Variants in ATP2B2 observed in about 807,000 individuals in gnomAD.
ATP2B2 encodes the protein plasma membrane calcium-transporting ATPase 2.
ATP2B2 carries 15 observed loss-of-function variants against 120.0 expected under a neutral mutation model. The ratio of observed to expected loss-of-function variants is 0.12; its 90% CI spans 0.08 to 0.19. The LOEUF is 0.19. ATP2B2 is among the 10% of genes least tolerant of loss of function. The pLI, the probability that ATP2B2 is intolerant of heterozygous loss-of-function variation, is 1.00. For missense variants in ATP2B2, 1,045 were observed against 1,719.8 expected (o/e 0.61, Z 6.94); for synonymous variants, 694 against 700.3 (o/e 0.99, Z 0.14).
chr3:10,467,775 T>C (rs1344649948), intron 1 of ATP2B2, among the ~76,000 whole-genome samples: 1 of 152,116 alleles, frequency 6.6e-6, no homozygotes, highest in Non-Finnish European at 1.5e-5. Context: ...AATGTTGTAA[T>C]GGCATTGGAG....
intron 2 of ATP2B2, among the ~76,000 whole-genome samples, chr3:10,440,517 C>A (rs1285686403): frequency 6.6e-6 from 1 of 152,204 alleles, no homozygotes; most frequent in Non-Finnish European, 1.5e-5. Context: ...AGGCTCCAGG[C>A]ACAGCGAATT....
At chr3:10,563,425 T>C (rs373399686) in intron 2 of ATP2B2, among the ~76,000 whole-genome samples, 2 of 152,222 alleles carry the variant, frequency 1.3e-5, no homozygotes, top group Admixed American at 6.5e-5. Context: ...CTGACCCTCA[T>C]TGGATGGGTA....
chr3:10,643,265 G>A (rs1463183321), intron 1 of ATP2B2, among the ~76,000 whole-genome samples: 1 of 152,200 alleles, frequency 6.6e-6, no homozygotes, highest in East Asian at 1.9e-4. Flanking sequence ...ATGCATCTGT[G>A]GATCCATGGG....
chr3:10,328,763 G>A lies in ATP2B2; in HGVS notation c.*51C>T, dbSNP rs774492323. The A allele has an allele frequency of 5.2e-6, 8 of 1,540,636 alleles. No individual in the cohort carries two copies. Among genetic ancestry groups the A allele is most frequent in the East Asian group, 4.6e-5 (2 of 43,930 alleles). Reference sequence around the variant, plus strand: ...CTGGATGGATGGGTGCCCGGAAAGCGGGTGGCAGCGGGGTCCATGAGGGCG... The same window carrying A: ...CTGGATGGATGGGTGCCCGGAAAGCAGGTGGCAGCGGGGTCCATGAGGGCG... On this transcript the variant is annotated 3_prime_UTR_variant, in exon 23 of 23. Transcript: ENST00000360273.
chr3:10,579,304 G>A (rs2068329124), intron 2 of ATP2B2, among the ~76,000 whole-genome samples: 1 of 152,250 alleles, frequency 6.6e-6, no homozygotes, highest in African/African-American at 2.4e-5. Context: ...AGATGATGCT[G>A]CAAATGTGCC....
chr3:10,358,389 T>C (rs1243648739), intron 14 of ATP2B2, among the ~76,000 whole-genome samples: 1 of 152,234 alleles, frequency 6.6e-6, no homozygotes, highest in East Asian at 1.9e-4. Context: ...CACCTGTCCC[T>C]TGGGGGACCA....
intron 2 of ATP2B2, among the ~76,000 whole-genome samples, chr3:10,447,162 C>G (rs183142239): frequency 1.3e-5 from 2 of 152,354 alleles, no homozygotes; most frequent in East Asian, 1.9e-4. Flanking sequence ...AGAGCTCCCC[C>G]ACCTTAGGCT....
chr3:10,369,046 G>A (rs1273302741), intron 12 of ATP2B2, among the ~76,000 whole-genome samples: 2 of 152,206 alleles, frequency 1.3e-5, no homozygotes, highest in Non-Finnish European at 2.9e-5. Context: ...TCCTTGTGGA[G>A]GGGGAAATAC....
chr3:10,357,166 G>A (rs1012002885), intron 14 of ATP2B2, among the ~76,000 whole-genome samples: 3 of 152,164 alleles, frequency 2.0e-5, no homozygotes, highest in Non-Finnish European at 4.4e-5. Flanking sequence ...CATGAAGGAA[G>A]GGGACCCACG....
In ATP2B2 at chr3:10,329,358, G is replaced by A. The variant is rs897923832; in HGVS notation, c.3421-233C>T. ...CTCTTTGGTTTTGGTAGAAACTAGT[G>A]TTAGGACAGGAGGAATCACCAAGCA... is the stretch of plus-strand genomic sequence containing the variant. On this transcript the variant is annotated intron_variant, in intron 22 of 22. Coordinates refer to ENST00000360273, the MANE Select transcript of ATP2B2 (RefSeq NM_001001331.4). The surrounding 1 kb of genome is among the most constrained non-coding windows in gnomAD (Gnocchi z 5.9). Among the ~76,000 whole-genome samples, 1 of 152,108 alleles carries A rather than the reference G, an allele frequency of 6.6e-6. No individual in the cohort carries two copies. Among genetic ancestry groups the A allele is most frequent in the African/African-American group, 2.4e-5 (1 of 41,410 alleles).
At chr3:10,344,421 G>T (rs978060782) in intron 18 of ATP2B2, among the ~76,000 whole-genome samples, 1 of 152,232 alleles carries the variant, frequency 6.6e-6, no homozygotes, top group South Asian at 2.1e-4. Context: ...TCTCAGGGCT[G>T]GGGTAGCCGG....
At chr3:10,562,798 G>T (rs2067932151) in intron 2 of ATP2B2, among the ~76,000 whole-genome samples, 1 of 152,094 alleles carries the variant, frequency 6.6e-6, no homozygotes, top group Admixed American at 6.5e-5. Context: ...CCATCAATGG[G>T]GATTCGTTAA....
At chr3:10,544,893 C>T (rs1370148359) in intron 2 of ATP2B2, among the ~76,000 whole-genome samples, 1 of 152,232 alleles carries the variant, frequency 6.6e-6, no homozygotes, top group Admixed American at 6.5e-5. Context: ...TGTTTTTCCT[C>T]CTGTGTTCCT....
rs567955538 is a variant in ATP2B2 at position 10,603,132 on chromosome 3, C to T, written c.-415+16785G>A. ...ACCCCGCATCCAGCCCTGGTGACCC[C>T]GGCCCTCTTGAGCTGAGCAAGCCTA... On this transcript the variant is annotated intron_variant, in intron 2 of 21. Coordinates refer to the ATP2B2 transcript ENST00000646379. Among the ~76,000 whole-genome samples the T allele has an allele frequency of 7.9e-5, 12 of 152,334 alleles. No homozygotes were observed. In the South Asian group the frequency reaches 2.5e-3, roughly 32 times the overall value.
Position 10,596,341 on chromosome 3 carries a change from A to C in ATP2B2, c.-415+23576T>G, listed in dbSNP as rs572183077. Among the ~76,000 whole-genome samples, 13 of 152,368 alleles carry C rather than the reference A, an allele frequency of 8.5e-5. No homozygotes were observed. The East Asian group carries it at 2.3e-3, about 27-fold the overall frequency. ...CTATGAGGGCAGGGACTCTGTGGGT[A>C]TGAACATCACTGTCTTTCCAGCATC... is the stretch of plus-strand genomic sequence containing the variant. On this transcript the variant is annotated intron_variant, in intron 2 of 21. Transcript: ENST00000646379.
chr3:10,345,956 AG>A (rs879671196), intron 17 of ATP2B2, 74 bp downstream of exon 17: 40 of 1,439,428 alleles, frequency 2.8e-5, no homozygotes, highest in Non-Finnish European at 3.6e-5. Flanking sequence ...GGGGCTCCTG[AG>A]TAGCCAGCCC....
intron 2 of ATP2B2, among the ~76,000 whole-genome samples, chr3:10,422,235 C>T (rs898268156): frequency 2.6e-5 from 4 of 152,208 alleles, no homozygotes; most frequent in Non-Finnish European, 5.9e-5. Context: ...TGGGTGGCCA[C>T]GTGCCCCCTG....
intron 1 of ATP2B2, among the ~76,000 whole-genome samples, chr3:10,677,806 C>T (rs11916680): frequency 0.16 from 24,949 of 152,108 alleles, 2,660 homozygotes; most frequent in East Asian, 0.45. Flanking sequence ...GAAATAGGAT[C>T]CTGTTTTTTA....
intron 1 of ATP2B2, among the ~76,000 whole-genome samples, chr3:10,669,782 C>G (rs1213785263): frequency 6.6e-6 from 1 of 152,118 alleles, no homozygotes; most frequent in Non-Finnish European, 1.5e-5. Context: ...CCCCCAGAGA[C>G]AGGAACACAT....
Sources: gnomAD v4.1 joint callset for allele counts (sites outside exome capture counted in the v4.1 genomes callset) on GRCh38, gnomAD v4.1.1 for gene constraint, Gnocchi (gnomAD v3.1) non-coding constraint, MANE v1.5 for transcripts, NCBI Gene and HGNC (gene_info 2026-07-23, HGNC 2026-07-21) for gene names.